NLRP7: variants seen among roughly 807,000 people sequenced by gnomAD.
NLRP7 encodes the protein NACHT, LRR and PYD domains-containing protein 7.
NLRP7 carries 72 observed loss-of-function variants against 85.5 expected under a neutral mutation model. The ratio of observed to expected loss-of-function variants is 0.84; its 90% CI spans 0.70 to 1.02. The LOEUF (loss-of-function observed/expected upper bound fraction) is 1.02. Ranked by LOEUF, NLRP7 falls within the 50% of genes least tolerant of loss-of-function variation. The pLI is 0.00. For missense variants in NLRP7, 1,243 were observed against 1,219.5 expected (o/e 1.02, Z -0.29); for synonymous variants, 550 against 505.2 (o/e 1.09, Z -1.19).
exon 5 of NLRP7, chr19:54,938,145 G>C: frequency 6.2e-7 from 1 of 1,614,036 alleles, no homozygotes; most frequent in East Asian, 2.2e-5. Context: ...GAAACTTGAG[G>C]TTGCTGTTTG....
chr19:54,946,313 G>A (rs2069472720), intron 1 of NLRP7, among the ~76,000 whole-genome samples: 4 of 150,770 alleles, frequency 2.7e-5, no homozygotes, highest in Admixed American at 2.0e-4. Flanking sequence ...CCGGGTTCAA[G>A]TGATTCTCCT....
chr19:54,931,181 G>A (rs2068661156), intron 8 of NLRP7, among the ~76,000 whole-genome samples: 1 of 152,100 alleles, frequency 6.6e-6, no homozygotes, highest in African/African-American at 2.4e-5. Context: ...CACAGCAGTG[G>A]GAGGCCAAGA....
chr19:54,941,758 G>T lies in NLRP7; in HGVS notation c.-39-8C>A, dbSNP rs1040738206. On this transcript the variant is annotated splice_polypyrimidine_tract_variant and splice_region_variant and intron_variant, in intron 1 of 9. Transcript: ENST00000340844. Reference sequence around the variant, plus strand: ...TAGGTTAAGGCTGAAGAACTGGGGGGAAAAAAGGAAAAACAGTTCACGAGT... The same window carrying T: ...TAGGTTAAGGCTGAAGAACTGGGGGTAAAAAAGGAAAAACAGTTCACGAGT... 2 of 1,573,632 alleles carry T rather than the reference G, an allele frequency of 1.3e-6. No individual in the cohort carries two copies. The highest frequency in any genetic ancestry group is 2.2e-5 in the East Asian group (1 of 44,566).
At chr19:54,961,379 G>A (rs1227788871) in intron 1 of NLRP7, among the ~76,000 whole-genome samples, 2 of 151,862 alleles carry the variant, frequency 1.3e-5, no homozygotes, top group African/African-American at 2.4e-5. Flanking sequence ...GTATGGTGGC[G>A]GGAGCCTATA....
At chr19:54,927,874 T>G (rs1285647714) in intron 9 of NLRP7, 99 bp from the exon 10 acceptor site, 1 of 1,029,712 alleles carries the variant, frequency 9.7e-7, no homozygotes, top group Non-Finnish European at 1.5e-6. Context: ...GGTGGATCAC[T>G]TGAGGCCAGG....
intron 5 of NLRP7, among the ~76,000 whole-genome samples, chr19:54,936,639 T>C (rs1027635652): frequency 6.7e-6 from 1 of 150,014 alleles, no homozygotes; most frequent in African/African-American, 2.5e-5. Context: ...CTGGGCAACA[T>C]GGTGAAACTC....
intron 9 of NLRP7, among the ~76,000 whole-genome samples, chr19:54,926,628 A>C (rs34582807): frequency 0.085 from 12,923 of 151,854 alleles, 612 homozygotes; most frequent in East Asian, 0.15. Flanking sequence ...AAAAACTACA[A>C]AAATTGGCCA....
At chr19:54,959,905 G>A (rs2146284851) in intron 1 of NLRP7, among the ~76,000 whole-genome samples, 1 of 152,008 alleles carries the variant, frequency 6.6e-6, no homozygotes, top group East Asian at 1.9e-4. Flanking sequence ...ACTCCCGGCT[G>A]CAGAGCCTTG....
chr19:54,957,013 T>C (rs1396769940), intron 1 of NLRP7, among the ~76,000 whole-genome samples: 1 of 89,428 alleles, frequency 1.1e-5, no homozygotes, highest in Non-Finnish European at 2.2e-5. Context: ...TGTATGTATT[T>C]ATTTATTTAT....
At chr19:54,951,125 T>G (rs752692208), upstream of NLRP7, among the ~76,000 whole-genome samples, 3 of 152,182 alleles carry the variant, frequency 2.0e-5, no homozygotes, top group Admixed American at 1.3e-4. Context: ...GGGGGTAAGG[T>G]CATAGATTAA....
In NLRP7 at chr19:54,947,435, A is replaced by C. The variant is rs768437337; in HGVS notation, c.-40+34T>G. ...ATAGCTTCTTCTCCCTTAAACGAGA[A>C]GACAAAGAAATCGATGCAAGAACCA... On this transcript the variant is annotated intron_variant, in intron 1 of 9. Coordinates refer to ENST00000340844, the Ensembl canonical transcript of NLRP7. The C allele has an allele frequency of 3.0e-5, 38 of 1,285,092 alleles. No homozygotes were observed. In the South Asian group the frequency reaches 4.2e-4, roughly 14 times the overall value. The allele number at this position is 1,285,092 out of a possible 1,614,324, so 79.6% of individuals were successfully genotyped here. A position where few individuals can be genotyped will look rare whatever the true frequency, so the allele number is the denominator to read the frequency against.
chr19:54,939,884 AG>A lies in NLRP7; in HGVS notation c.934del (p.Leu312TrpfsTer8), dbSNP rs1403427845. 6.2e-7 allele frequency: 1 copy of A among 1,613,754 alleles called. No individual in the cohort carries two copies. Among genetic ancestry groups the A allele is most frequent in the Non-Finnish European group, 8.5e-7 (1 of 1,179,736 alleles). ...CCTTACGTAGATCGGCTGCTGCGCC[AG>A]GAGCTGGAGGTCCCTCAGTGCCCTG... On this transcript the variant is annotated frameshift_variant, in exon 4 of 10. Coordinates refer to ENST00000340844, the Ensembl canonical transcript of NLRP7. LOFTEE classifies it high-confidence loss of function.
At chr19:54,937,900 C>CA (rs59058059) in intron 5 of NLRP7, 144 bp downstream of exon 5, 35,175 of 504,452 alleles carry the variant, frequency 0.07, 291 homozygotes, top group African/African-American at 0.14. Context: ...TCCGTCTCAC[C>CA]AAAAAAAAAA....
In NLRP7 at chr19:54,957,301, G is replaced by A. The variant is rs888631926; in HGVS notation, c.-77+8739C>T. The stretch of plus-strand genomic sequence containing the variant: ...TCCCAAAGTGTTGAGATTACAGACC[G>A]TGAGCCACTGGGACGGACACCCCTA... On this transcript the variant is annotated intron_variant, in intron 1 of 2. Transcript: ENST00000587103. Among the ~76,000 whole-genome samples, 12 of 151,102 alleles carry A rather than the reference G, an allele frequency of 7.9e-5. No individual in the cohort carries two copies. The South Asian group carries it at 8.4e-4, about 11-fold the overall frequency.
At chr19:54,955,404 C>A (rs1164183186) in intron 1 of NLRP7, among the ~76,000 whole-genome samples, 1 of 152,200 alleles carries the variant, frequency 6.6e-6, no homozygotes, top group Non-Finnish European at 1.5e-5. Context: ...CATGGTGGCA[C>A]ATGCCTGGAA....
At chr19:54,947,559 G>A (rs2069529083), upstream of NLRP7, 1 of 1,289,598 alleles carries the variant, frequency 7.8e-7, no homozygotes, top group Non-Finnish European at 1.0e-6. Context: ...TACGCTAGGT[G>A]GAGAGACAGC....
At position 54,934,707 on chromosome 19, in the gene NLRP7, C is replaced by T. The variant is rs372523668; in HGVS notation, c.2301-48G>A. On this transcript the variant is annotated intron_variant, in intron 6 of 9. Transcript: ENST00000340844. The surrounding 1 kb of genome is among the most constrained non-coding windows in gnomAD (Gnocchi z 6.7). Reference sequence around the variant, plus strand: ...CATTCTTCTGGGAGGACAGAGTATACCCTATCAGCTTTTTTTTTTTGAGAC... The same window carrying T: ...CATTCTTCTGGGAGGACAGAGTATATCCTATCAGCTTTTTTTTTTTGAGAC... 7.4e-6 allele frequency: 11 copies of T among 1,483,928 alleles called. No homozygotes were observed. The highest frequency in any genetic ancestry group is 1.0e-5 in the Non-Finnish European group (11 of 1,097,486). 91.9% of individuals were successfully genotyped at this position (1,483,928 alleles called of 1,614,324 possible). A position where few individuals can be genotyped will look rare whatever the true frequency, so the allele number is the denominator to read the frequency against.
Position 54,954,695 on chromosome 19 carries a change from A to T in NLRP7, c.-76-7190T>A, listed in dbSNP as rs1024673559. ...CCCCATCTCTTACTAAAAATACAAAAATTAGCCAGACGTGATGGCAGGCAC... is the reference window on the plus strand; with the variant it reads ...CCCCATCTCTTACTAAAAATACAAATATTAGCCAGACGTGATGGCAGGCAC... On this transcript the variant is annotated intron_variant, in intron 1 of 2. Coordinates refer to the NLRP7 transcript ENST00000587103. Among the ~76,000 whole-genome samples, 65 of 151,402 alleles carry T rather than the reference A, an allele frequency of 4.3e-4. 2 individuals carry two copies. The highest frequency in any genetic ancestry group is 1.0e-4 in the Non-Finnish European group (7 of 67,884).
At chr19:54,940,934 G>A in exon 3 of NLRP7, 1 of 1,602,254 alleles carries the variant, frequency 6.2e-7, no homozygotes, top group African/African-American at 1.3e-5. Flanking sequence ...TACCCACCTG[G>A]CTTTGCTAAC....
Sources: gnomAD v4.1 joint callset for allele counts (sites outside exome capture counted in the v4.1 genomes callset) on GRCh38, gnomAD v4.1.1 for gene constraint, Gnocchi (gnomAD v3.1) non-coding constraint, MANE v1.5 for transcripts, NCBI Gene and HGNC (gene_info 2026-07-23, HGNC 2026-07-21) for gene names.